SLC12A5: variants seen among roughly 807,000 people sequenced by gnomAD.
SLC12A5 encodes the protein K-Cl cotransporter 2.
Under a neutral mutation model 124.0 loss-of-function variants are expected in SLC12A5, and 18 were observed. That is an observed-to-expected ratio of 0.15 (90% CI 0.10 to 0.22). The LOEUF is 0.22. Among genes scored for constraint, SLC12A5 ranks in the 10% least tolerant of loss-of-function variants. SLC12A5 has a pLI of 1.00. For synonymous variants in SLC12A5, 589 were observed against 568.0 expected (o/e 1.04, Z -0.53); for missense variants, 867 against 1,478.7 (o/e 0.59, Z 6.78).
In SLC12A5 at chr20:46,029,240, G is replaced by T; in HGVS notation, c.-105G>T. On this transcript the variant is annotated 5_prime_UTR_variant, in exon 1 of 26. Coordinates refer to ENST00000243964, the MANE Select transcript of SLC12A5 (RefSeq NM_020708.5). The stretch of plus-strand genomic sequence containing the variant: ...ACTGCAGCTTCTTCCTCCGTGGAGC[G>T]GAGAGCGAGACAGAGCTACAGCGAA... The T allele has an allele frequency of 6.9e-7, 1 of 1,455,644 alleles. No individual in the cohort carries two copies. Among genetic ancestry groups the T allele is most frequent in the South Asian group, 1.4e-5 (1 of 69,290 alleles). 90.2% of individuals were successfully genotyped at this position (1,455,644 alleles called of 1,614,324 possible). A position where few individuals can be genotyped will look rare whatever the true frequency, so the allele number is the denominator to read the frequency against.
chr20:46,058,991 C>G lies in SLC12A5; in HGVS notation c.*1386C>G. On this transcript the variant is annotated 3_prime_UTR_variant, in exon 26 of 26. Transcript: ENST00000243964. This position sits in a 1 kb window ranked among gnomAD's most constrained non-coding sequence, Gnocchi z 5.8. The stretch of plus-strand genomic sequence containing the variant: ...TTAGCGCCTGTCTGCTCTCCTCTAA[C>G]TAGGACCCAGGGCCTTTGGCTTCCC... The G allele has an allele frequency of 2.8e-6, 1 of 358,274 alleles. No individual in the cohort carries two copies. The highest frequency in any genetic ancestry group is 5.0e-6 in the Non-Finnish European group (1 of 201,500). The allele number at this position is 358,274 out of a possible 1,614,324, so 22.2% of individuals were successfully genotyped here. A position where few individuals can be genotyped will look rare whatever the true frequency, so the allele number is the denominator to read the frequency against.
rs1269335589 is a variant in SLC12A5 at position 46,045,617 on chromosome 20, C to T, written c.1570-261C>T. Among the ~76,000 whole-genome samples, 2 of 152,096 alleles carry T rather than the reference C, an allele frequency of 1.3e-5. No individual in the cohort carries two copies. Among genetic ancestry groups the T allele is most frequent in the African/African-American group, 4.8e-5 (2 of 41,422 alleles). On this transcript the variant is annotated intron_variant, in intron 12 of 25. Transcript: ENST00000243964. The surrounding 1 kb of genome is among the most constrained non-coding windows in gnomAD (Gnocchi z 4.9). ...TGCTGGCTTCCTGACAGCTCCTCTC[C>T]CATCTGGTCCTCTGCAGCTGCTTTC... is the stretch of plus-strand genomic sequence containing the variant.
intron 1 of SLC12A5, chr20:46,022,094 C>T (rs2084360877): frequency 1.0e-5 from 3 of 297,978 alleles, no homozygotes; most frequent in Non-Finnish European, 1.5e-5. Context: ...GGGCCAAACG[C>T]GAGGTGGGCG....
At chr20:46,035,234 A>G (rs2084486732) in intron 2 of SLC12A5, 170 bp from the exon 3 acceptor site, 2 of 1,005,634 alleles carry the variant, frequency 2.0e-6, no homozygotes, top group South Asian at 3.0e-5. Context: ...CCCTCTCCTC[A>G]TCCTACCATT....
upstream of SLC12A5, among the ~76,000 whole-genome samples, chr20:46,025,076 A>G (rs1203285391): frequency 6.6e-6 from 1 of 152,130 alleles, no homozygotes; most frequent in Non-Finnish European, 1.5e-5. Context: ...CCTTGGGCAC[A>G]CTTCTTCCCC....
At position 46,057,550 on chromosome 20, in the gene SLC12A5, A is replaced by T; in HGVS notation, c.3296A>T (p.Asp1099Val). The T allele has an allele frequency of 6.2e-7, 1 of 1,614,102 alleles. No individual in the cohort carries two copies. The highest frequency in any genetic ancestry group is 8.5e-7 in the Non-Finnish European group (1 of 1,180,016). ...EFLEVLTEHLDRVMLVRGGGR... is the reference protein window; with the variant it reads ...EFLEVLTEHLVRVMLVRGGGR... ...CTCGAGGTCCTCACAGAGCACCTGGACCGGGTGATGCTGGTCCGCGGCGGC... is the reference window on the plus strand; with the variant it reads ...CTCGAGGTCCTCACAGAGCACCTGGTCCGGGTGATGCTGGTCCGCGGCGGC... The change falls in exon 26 of 26, where the codon GAC becomes GTC. Residue 1099 changes from aspartate to valine, a missense_variant. Asp to Val is a radical substitution (Grantham distance 152). Around this residue, in one of 9 missense-constraint regions of SLC12A5, gnomAD observed 180 missense variants for 243.6 expected, o/e 0.74. Transcript: ENST00000243964. This position sits in a 1 kb window ranked among gnomAD's most constrained non-coding sequence, Gnocchi z 7.1.
At chr20:46,033,526 A>C (rs759665128) in intron 1 of SLC12A5, among the ~76,000 whole-genome samples, 18 of 152,166 alleles carry the variant, frequency 1.2e-4, no homozygotes, top group Non-Finnish European at 2.4e-4. Context: ...ACATGTTTAC[A>C]TAGCTTACCC....
chr20:46,033,724 T>C (rs970004221), intron 1 of SLC12A5, among the ~76,000 whole-genome samples: 1 of 152,044 alleles, frequency 6.6e-6, no homozygotes. Flanking sequence ...CATCCAACCA[T>C]TCACCCATGC....
chr20:46,043,664 C>G lies in SLC12A5; in HGVS notation c.1269C>G (p.Asp423Glu), dbSNP rs1467804129. The change falls in exon 10 of 26, where the codon GAC (aspartate) becomes GAG (glutamate). Residue 423 changes from aspartate (D) to glutamate (E), a missense_variant. By Grantham distance (45) the Asp-to-Glu change is conservative. Transcript: ENST00000243964. Reference sequence around the variant, plus strand: ...TGGCTGGTTCTAACCGCTCTGGGGACCTGAGGGATGCCCAGAAGTCAATCC... The same window carrying G: ...TGGCTGGTTCTAACCGCTCTGGGGAGCTGAGGGATGCCCAGAAGTCAATCC... Reference protein sequence around the residue: ...GIMAGSNRSGDLRDAQKSIPT... With the variant: ...GIMAGSNRSGELRDAQKSIPT... The G allele has an allele frequency of 6.2e-7, 1 of 1,614,176 alleles. No individual in the cohort carries two copies. Among genetic ancestry groups the G allele is most frequent in the African/African-American group, 1.3e-5 (1 of 75,036 alleles).
At chr20:46,049,478 T>G in intron 16 of SLC12A5, 144 bp from the exon 17 acceptor site, 2 of 1,028,830 alleles carry the variant, frequency 1.9e-6, no homozygotes, top group Non-Finnish European at 2.8e-6. Context: ...GATGGGTAGA[T>G]GAATGGATGG....
rs748223764 is a variant in SLC12A5, at chr20:46,056,311, C to A, written c.2910+39C>A. On this transcript the variant is annotated intron_variant, in intron 22 of 25. Coordinates refer to ENST00000243964, the MANE Select transcript of SLC12A5 (RefSeq NM_020708.5). The surrounding 1 kb of genome is among the most constrained non-coding windows in gnomAD (Gnocchi z 4.3). ...GTGGTTTGGCCCCAACCAGTGGGAG[C>A]AGAGCCCTTGGCCTCCAAAGGACTC... 6.2e-7 allele frequency: 1 copy of A among 1,612,688 alleles called. No homozygotes were observed. The highest frequency in any genetic ancestry group is 1.1e-5 in the South Asian group (1 of 90,872).
At chr20:46,032,712 A>G (rs1333694990) in intron 1 of SLC12A5, among the ~76,000 whole-genome samples, 1 of 152,158 alleles carries the variant, frequency 6.6e-6, no homozygotes, top group African/African-American at 2.4e-5. Flanking sequence ...CCATAACTCC[A>G]GCCCCCTTTT....
At chr20:46,043,018 G>A (rs1423569997) in intron 8 of SLC12A5, 135 bp from the exon 9 acceptor site, 2 of 871,896 alleles carry the variant, frequency 2.3e-6, no homozygotes, top group African/African-American at 1.7e-5. Context: ...CAGTGGAAAT[G>A]AAATAGAGAT....
rs2084662506 is a variant in SLC12A5 at position 46,053,303 on chromosome 20, A to G, written c.2547+177A>G. 6.6e-6 allele frequency among the ~76,000 whole-genome samples: 1 copy of G among 152,200 alleles called. No homozygotes were observed. The highest frequency in any genetic ancestry group is 2.4e-5 in the African/African-American group (1 of 41,456). On this transcript the variant is annotated intron_variant, in intron 19 of 25. Coordinates refer to ENST00000243964, the MANE Select transcript of SLC12A5 (RefSeq NM_020708.5). The surrounding 1 kb of genome is among the most constrained non-coding windows in gnomAD (Gnocchi z 4.7). ...ATCTGCTGACCTACTTCATTCTGAG[A>G]TGTTAGGAACTGATGGTTTCTCCTC...
chr20:46,046,178 G>A (rs141562538), intron 13 of SLC12A5, among the ~76,000 whole-genome samples, 160 bp from the exon 14 acceptor site: 169 of 152,278 alleles, frequency 1.1e-3, no homozygotes, highest in African/African-American at 3.9e-3. Context: ...AGGGTGTGTT[G>A]TGAGGGTATT....
Position 46,043,936 on chromosome 20 carries a change from A to G in SLC12A5, c.1394+3A>G. 1 of 1,598,442 alleles carries G rather than the reference A, an allele frequency of 6.3e-7. No homozygotes were observed. The highest frequency in any genetic ancestry group is 8.5e-7 in the Non-Finnish European group (1 of 1,172,172). On this transcript the variant is annotated splice_donor_region_variant and intron_variant, in intron 11 of 25. Coordinates refer to ENST00000243964, the MANE Select transcript of SLC12A5 (RefSeq NM_020708.5). ...GAGGGGGTCGTCCTGCGGGACAAGT[A>G]AGATAATTGGGGTTGATCCTATTCT...
intron 16 of SLC12A5, among the ~76,000 whole-genome samples, chr20:46,048,594 G>C: frequency 6.6e-6 from 1 of 152,102 alleles, no homozygotes; most frequent in East Asian, 1.9e-4. Flanking sequence ...CAGGGATGCC[G>C]AGCGCGGTGG....
Position 46,059,690 on chromosome 20 carries a change from GT to G in SLC12A5, c.*2087del, listed in dbSNP as rs1478141469. Reference sequence around the variant, plus strand: ...TTTCTGTGCTACATGTGCAATATTTGTTATGAATGTTATCACAAGTCATTCA... The same window carrying G: ...TTTCTGTGCTACATGTGCAATATTTGTATGAATGTTATCACAAGTCATTCA... On this transcript the variant is annotated 3_prime_UTR_variant, in exon 26 of 26. Transcript: ENST00000243964. 1.0e-5 allele frequency: 4 copies of G among 398,918 alleles called. No homozygotes were observed. The highest frequency in any genetic ancestry group is 2.1e-5 in the African/African-American group (1 of 48,620). The allele number at this position is 398,918 out of a possible 1,614,324, so 24.7% of individuals were successfully genotyped here.
Position 46,059,960 on chromosome 20 carries a change from G to GT in SLC12A5, c.*2356dup, listed in dbSNP as rs961563706. ...ATTAGGCCTGCCTTTAATTTTCAGTGTAAGTGTTCAGTATGCCGCATCCTG... is the reference window on the plus strand; with the variant it reads ...ATTAGGCCTGCCTTTAATTTTCAGTGTTAAGTGTTCAGTATGCCGCATCCTG... On this transcript the variant is annotated 3_prime_UTR_variant, in exon 26 of 26. Coordinates refer to ENST00000243964, the MANE Select transcript of SLC12A5 (RefSeq NM_020708.5). 20 of 242,604 alleles carry GT rather than the reference G, an allele frequency of 8.2e-5. No individual in the cohort carries two copies. Among genetic ancestry groups the GT allele is most frequent in the African/African-American group, 2.5e-4 (11 of 44,868 alleles). The allele number at this position is 242,604 out of a possible 1,614,324, so 15.0% of individuals were successfully genotyped here. A position where few individuals can be genotyped will look rare whatever the true frequency, so the allele number is the denominator to read the frequency against.
Sources: allele counts gnomAD v4.1 joint callset (sites outside exome capture counted in the v4.1 genomes callset), GRCh38; gene constraint gnomAD v4.1.1; regional missense constraint gnomAD v4.1.1; non-coding constraint Gnocchi (gnomAD v3.1); transcripts MANE v1.5; gene names NCBI Gene and HGNC (gene_info 2026-07-23, HGNC 2026-07-21).